The following BRCA1 variants were observed in gnomAD, a reference collection of about 807,000 sequenced individuals.
BRCA1 encodes the protein breast cancer type 1 susceptibility protein.
A neutral mutation model predicts 173.7 loss-of-function variants in BRCA1; 140 were observed. The ratio of observed to expected loss-of-function variants is 0.81; its 90% CI spans 0.70 to 0.93. BRCA1 has a LOEUF of 0.93. Among genes scored for constraint, BRCA1 ranks in the 40% least tolerant of loss-of-function variants. The pLI is 0.00. For synonymous variants in BRCA1, 662 were observed against 756.0 expected (o/e 0.88, Z 2.04); for missense variants, 1,983 against 2,172.5 (o/e 0.91, Z 1.73).
chr17:43,094,716 T>C lies in BRCA1; in HGVS notation c.815A>G (p.Glu272Gly). 2 of 1,611,936 alleles carry C rather than the reference T, an allele frequency of 1.2e-6. No homozygotes were observed. The highest frequency in any genetic ancestry group is 4.5e-5 in the East Asian group (2 of 44,854). Residue 272 changes from glutamate (E) to glycine (G), a missense_variant, in exon 10 of 23, where the codon GAG becomes GGG. Coordinates refer to ENST00000357654, the MANE Select transcript of BRCA1 (RefSeq NM_007294.4). ...GGCATGAGTATTTGTGCCACATGGCTCCACATGCAAGTTTGAAACAGAACT... is the reference window on the plus strand; with the variant it reads ...GGCATGAGTATTTGTGCCACATGGCCCCACATGCAAGTTTGAAACAGAACT... Reference protein sequence around the residue: ...QGSSVSNLHVEPCGTNTHASS... With the variant: ...QGSSVSNLHVGPCGTNTHASS...
At chr17:43,127,611 G>C (rs2055922317), upstream of BRCA1, among the ~76,000 whole-genome samples, 1 of 152,130 alleles carries the variant, frequency 6.6e-6, no homozygotes, top group South Asian at 2.1e-4. Context: ...AGCACTCTGT[G>C]TATATCTAGC....
intron 1 of BRCA1, chr17:43,131,257 A>G: frequency 5.3e-6 from 2 of 377,996 alleles, no homozygotes; most frequent in Non-Finnish European, 1.1e-5. Flanking sequence ...TACCTGGATG[A>G]GGAAGATGAA....
At chr17:43,078,017 G>A (rs1453675681) in intron 12 of BRCA1, among the ~76,000 whole-genome samples, 2 of 151,922 alleles carry the variant, frequency 1.3e-5, no homozygotes, top group Non-Finnish European at 2.9e-5. Context: ...TTACAGGCGT[G>A]AGCCACTGCG....
intron 18 of BRCA1, among the ~76,000 whole-genome samples, chr17:43,058,206 A>G (rs2051593672): frequency 6.6e-6 from 1 of 151,730 alleles, no homozygotes; most frequent in Admixed American, 6.6e-5. Context: ...CCTTCTCTAG[A>G]AAAAAGATAC....
upstream of BRCA1, among the ~76,000 whole-genome samples, chr17:43,127,821 G>A (rs776986649): frequency 6.6e-6 from 1 of 151,820 alleles, no homozygotes; most frequent in African/African-American, 2.4e-5. Context: ...TCAAGAGATC[G>A]AGACCATCCT....
intron 18 of BRCA1, among the ~76,000 whole-genome samples, chr17:43,059,469 C>CAACA (rs2051652178): frequency 6.8e-6 from 1 of 147,440 alleles, no homozygotes; most frequent in Non-Finnish European, 1.5e-5. Flanking sequence ...GAGATGCTGT[C>CAACA]ACAACAACAA....
In BRCA1 at chr17:43,045,246, TG is replaced by T. The variant is rs2050831212; in HGVS notation, c.*431del. On this transcript the variant is annotated 3_prime_UTR_variant, in exon 23 of 23. Coordinates refer to ENST00000357654, the MANE Select transcript of BRCA1 (RefSeq NM_007294.4). ...AGCACTCTCCTTCCATTGAAGGGTCTGACTCTCTGCCTTTGTGAACACAGGG... is the reference window on the plus strand; with the variant it reads ...AGCACTCTCCTTCCATTGAAGGGTCTACTCTCTGCCTTTGTGAACACAGGG... 1.8e-6 allele frequency: 1 copy of T among 541,578 alleles called. No homozygotes were observed. Among genetic ancestry groups the T allele is most frequent in the Non-Finnish European group, 3.6e-6 (1 of 281,538 alleles). The allele number at this position is 541,578 out of a possible 1,614,324, so 33.5% of individuals were successfully genotyped here. A position where few individuals can be genotyped will look rare whatever the true frequency, so the allele number is the denominator to read the frequency against.
intron 11 of BRCA1, among the ~76,000 whole-genome samples, chr17:43,090,420 C>A (rs1347967931): frequency 6.6e-6 from 1 of 152,220 alleles, no homozygotes; most frequent in South Asian, 2.1e-4. Flanking sequence ...GTCACCCAGG[C>A]TGGAGTGCAG....
chr17:43,069,388 C>T (rs2052286661), intron 15 of BRCA1, among the ~76,000 whole-genome samples: 1 of 152,322 alleles, frequency 6.6e-6, no homozygotes, highest in African/African-American at 2.4e-5. Context: ...TTTTCCTCTT[C>T]GCTTGTTTAA....
intron 1 of BRCA1, among the ~76,000 whole-genome samples, chr17:43,140,946 C>T (rs1293729998): frequency 6.6e-6 from 1 of 152,246 alleles, no homozygotes; most frequent in African/African-American, 2.4e-5. Context: ...CTTTATTTCT[C>T]TGGCAGATTT....
intron 1 of BRCA1, among the ~76,000 whole-genome samples, chr17:43,152,442 C>T (rs755104843): frequency 1.2e-4 from 19 of 152,102 alleles, no homozygotes; most frequent in African/African-American, 4.6e-4. Context: ...AACTCCAGGC[C>T]GGGTGCAGTG....
intron 1 of BRCA1, among the ~76,000 whole-genome samples, chr17:43,157,869 G>C (rs917609712): frequency 1.3e-5 from 2 of 151,928 alleles, no homozygotes; most frequent in African/African-American, 2.4e-5. Context: ...GGTGGCGCAT[G>C]CCTGTAATCC....
At chr17:43,127,491 T>C (rs1342811424), upstream of BRCA1, among the ~76,000 whole-genome samples, 1 of 152,180 alleles carries the variant, frequency 6.6e-6, no homozygotes, top group Non-Finnish European at 1.5e-5. Flanking sequence ...CAGCACTCTG[T>C]GTCTAGCTAA....
intron 6 of BRCA1, among the ~76,000 whole-genome samples, chr17:43,101,525 CAG>C (rs1230387114): frequency 6.6e-6 from 1 of 151,814 alleles, no homozygotes; most frequent in Non-Finnish European, 1.5e-5. Context: ...TTTTTTGAGA[CAG>C]AGTCTCACTC....
chr17:43,120,656 T>C (rs1323375623), intron 2 of BRCA1, among the ~76,000 whole-genome samples: 2 of 152,080 alleles, frequency 1.3e-5, no homozygotes, highest in Non-Finnish European at 2.9e-5. Flanking sequence ...TCCCAGCTAC[T>C]TGGGGGGCCG....
In BRCA1 at chr17:43,093,745, G is replaced by C. The variant is rs80357371; in HGVS notation, c.1786C>G (p.Leu596Val). ...TTTGAATTGTGGATATTTAATTCGA[G>C]TTCCATATTGCTTATACTGCTGCTT... is the stretch of plus-strand genomic sequence containing the variant. The part of the protein sequence containing the change: ...PISSSISNME[L>V]ELNIHNSKAP... Residue 596 changes from leucine (L) to valine (V), a missense_variant, in exon 10 of 23, where the codon CTC becomes GTC. Transcript: ENST00000357654. The C allele has an allele frequency of 2.5e-6, 4 of 1,613,926 alleles. No individual in the cohort carries two copies. Among genetic ancestry groups the C allele is most frequent in the Non-Finnish European group, 3.4e-6 (4 of 1,179,994 alleles).
rs771837432 is a variant in BRCA1 at position 43,045,498 on chromosome 17, GA to G, written c.*179del. The G allele has an allele frequency of 1.9e-5, 19 of 1,001,678 alleles. No individual in the cohort carries two copies. Among genetic ancestry groups the G allele is most frequent in the Non-Finnish European group, 3.1e-6 (2 of 652,204 alleles). 62.0% of individuals were successfully genotyped at this position (1,001,678 alleles called of 1,614,324 possible). On this transcript the variant is annotated 3_prime_UTR_variant, in exon 23 of 23. Coordinates refer to ENST00000357654, the MANE Select transcript of BRCA1 (RefSeq NM_007294.4). Reference sequence around the variant, plus strand: ...AGATTTCCAAGGGAGACTTCAAGCAGAAAATCTTTAAGGGACCCTTGCATAG... The same window carrying G: ...AGATTTCCAAGGGAGACTTCAAGCAGAAATCTTTAAGGGACCCTTGCATAG...
chr17:43,054,139 T>G (rs888786614), intron 19 of BRCA1, among the ~76,000 whole-genome samples: 1 of 152,202 alleles, frequency 6.6e-6, no homozygotes, highest in African/African-American at 2.4e-5. Context: ...TAGAATTTCT[T>G]TTTAAAGAGG....
chr17:43,075,920 C>T (rs534231284), intron 13 of BRCA1, among the ~76,000 whole-genome samples: 8 of 151,872 alleles, frequency 5.3e-5, no homozygotes, highest in Non-Finnish European at 1.0e-4. Flanking sequence ...GGTAAAACTC[C>T]ATCTCTACCA....
Sources: gnomAD v4.1 joint callset for allele counts (sites outside exome capture counted in the v4.1 genomes callset) on GRCh38, gnomAD v4.1.1 for gene constraint, MANE v1.5 for transcripts, NCBI Gene and HGNC (gene_info 2026-07-23, HGNC 2026-07-21) for gene names.